Variants in RB1CC1 observed in about 807,000 individuals in gnomAD.
RB1CC1 encodes RB1-inducible coiled-coil protein 1.
Under a neutral mutation model 177.5 loss-of-function variants are expected in RB1CC1, and 46 were observed. That is an observed-to-expected ratio of 0.26 (90% CI 0.20 to 0.33). RB1CC1 has a LOEUF of 0.33. Among genes scored for constraint, RB1CC1 ranks in the 10% least tolerant of loss-of-function variants. The pLI is 1.00. For missense variants in RB1CC1, 1,703 were observed against 1,816.3 expected (o/e 0.94, Z 1.13); for synonymous variants, 666 against 613.6 (o/e 1.09, Z -1.26).
intron 7 of RB1CC1, among the ~76,000 whole-genome samples, chr8:52,672,905 C>T (rs1852738268): frequency 6.6e-6 from 1 of 152,220 alleles, no homozygotes; most frequent in African/African-American, 2.4e-5. Context: ...CTTTGCATAA[C>T]ATATTACATA....
chr8:52,702,664 C>T (rs778458487), intron 1 of RB1CC1, among the ~76,000 whole-genome samples: 25 of 150,856 alleles, frequency 1.7e-4, no homozygotes, highest in African/African-American at 4.6e-4. Context: ...TGCAGTGAGC[C>T]GAGAGCATGC....
intron 1 of RB1CC1, among the ~76,000 whole-genome samples, chr8:52,707,633 T>C (rs978125061): frequency 2.6e-5 from 4 of 152,124 alleles, no homozygotes; most frequent in Non-Finnish European, 5.9e-5. Flanking sequence ...AAATACTCCC[T>C]ACCAGTTACA....
At chr8:52,701,006 T>A (rs761544975) in intron 1 of RB1CC1, among the ~76,000 whole-genome samples, 2 of 152,222 alleles carry the variant, frequency 1.3e-5, no homozygotes, top group Non-Finnish European at 2.9e-5. Flanking sequence ...CTAAAGATTC[T>A]ACAAGTAAGT....
intron 7 of RB1CC1, among the ~76,000 whole-genome samples, chr8:52,670,931 G>A (rs1852516852): frequency 6.6e-6 from 1 of 151,798 alleles, no homozygotes; most frequent in Admixed American, 6.6e-5. Flanking sequence ...ACGCCAGCCT[G>A]GGTGACAGAG....
At chr8:52,689,339 T>C (rs1854599166) in intron 1 of RB1CC1, among the ~76,000 whole-genome samples, 1 of 152,186 alleles carries the variant, frequency 6.6e-6, no homozygotes, top group South Asian at 2.1e-4. Flanking sequence ...AAATACTTAA[T>C]GACACGATAT....
chr8:52,664,763 T>C (rs1468449970), intron 8 of RB1CC1, among the ~76,000 whole-genome samples: 1 of 152,158 alleles, frequency 6.6e-6, no homozygotes, highest in Non-Finnish European at 1.5e-5. Context: ...GAAAACAGTA[T>C]TATCACCCCA....
In RB1CC1 at chr8:52,645,851, T is replaced by C. The variant is rs771030971; in HGVS notation, c.3838A>G (p.Thr1280Ala). The change falls in exon 16 of 24, where the codon ACC (threonine) becomes GCC (alanine). Residue 1280 changes from threonine to alanine, a missense_variant. Transcript: ENST00000025008. Reference protein sequence around the residue: ...QIAKSPAIDSTRGDSSSLVAE... With the variant: ...QIAKSPAIDSARGDSSSLVAE... ...ACTAAGCTTGAAGAATCTCCTCTGGTAGAGTCAATGGCAGGACTTACAAAT... is the reference window on the plus strand; with the variant it reads ...ACTAAGCTTGAAGAATCTCCTCTGGCAGAGTCAATGGCAGGACTTACAAAT... 3.1e-6 allele frequency: 5 copies of C among 1,601,718 alleles called. No homozygotes were observed. The highest frequency in any genetic ancestry group is 2.3e-5 in the South Asian group (2 of 87,718).
intron 1 of RB1CC1, among the ~76,000 whole-genome samples, chr8:52,702,281 T>C (rs1856151992): frequency 1.3e-5 from 2 of 152,242 alleles, no homozygotes; most frequent in Admixed American, 6.5e-5. Flanking sequence ...GCTAATGTTT[T>C]AAGTTCTCTT....
intron 15 of RB1CC1, among the ~76,000 whole-genome samples, chr8:52,652,358 C>A (rs544991625): frequency 1.3e-5 from 2 of 150,338 alleles, no homozygotes; most frequent in East Asian, 4.0e-4. Context: ...CCCAGCTACT[C>A]GGGAGGCTGA....
intron 1 of RB1CC1, among the ~76,000 whole-genome samples, chr8:52,691,819 G>A (rs185984697): frequency 7.9e-5 from 12 of 152,284 alleles, no homozygotes; most frequent in South Asian, 2.1e-4. Context: ...TACCAGTACC[G>A]GTAACCTGTG....
chr8:52,696,150 T>G (rs1407247055), intron 1 of RB1CC1, among the ~76,000 whole-genome samples: 2 of 152,208 alleles, frequency 1.3e-5, no homozygotes, highest in African/African-American at 4.8e-5. Flanking sequence ...GTTCAAGCGA[T>G]TCTCCTGCCT....
Position 52,656,222 on chromosome 8 carries a change from C to A in RB1CC1, c.3607G>T (p.Glu1203Ter). ...QKDEKITQQE[E>*]KYEAIIQNLE... ...TTCTGGATAATAGCTTCGTATTTCT[C>A]TTCTTGTTGGGTAATTTTTTCATCT... Residue 1203 changes from glutamate (E) to a stop codon, truncating the protein, a stop_gained, in exon 15 of 24, where the codon GAG (glutamate) becomes TAG (stop). Transcript: ENST00000025008. LOFTEE classifies it high-confidence loss of function. 6.2e-7 allele frequency: 1 copy of A among 1,613,352 alleles called. No individual in the cohort carries two copies. The highest frequency in any genetic ancestry group is 8.5e-7 in the Non-Finnish European group (1 of 1,179,814).
intron 15 of RB1CC1, among the ~76,000 whole-genome samples, chr8:52,648,781 C>T (rs1850291629): frequency 6.6e-6 from 1 of 152,184 alleles, no homozygotes; most frequent in African/African-American, 2.4e-5. Flanking sequence ...TAGATCTTTG[C>T]AATCTCAGCA....
At chr8:52,699,838 TATATATATATATATATATATAC>T (rs1855880605) in intron 1 of RB1CC1, among the ~76,000 whole-genome samples, 1 of 81,544 alleles carries the variant, frequency 1.2e-5, no homozygotes, top group Non-Finnish European at 2.5e-5. Context: ...AAAATATATA[TATATATATATATATATATATAC>T]ACACAAAAAC....
At chr8:52,626,010 A>G (rs1041905508) in intron 22 of RB1CC1, among the ~76,000 whole-genome samples, 26 of 152,338 alleles carry the variant, frequency 1.7e-4, no homozygotes, top group Non-Finnish European at 2.5e-4. Flanking sequence ...GAAACAGAAA[A>G]GCCCCTGGAC....
Position 52,641,285 on chromosome 8 carries a change from A to G in RB1CC1, c.4337+1066T>C, listed in dbSNP as rs565397761. On this transcript the variant is annotated intron_variant, in intron 18 of 23. Coordinates refer to ENST00000025008, the MANE Select transcript of RB1CC1 (RefSeq NM_014781.5). ...TGTAATCCCGGCTATTCAGGAGGCT[A>G]AGGCAGAAGAATCACTTGAACCCAG... Among the ~76,000 whole-genome samples the G allele has an allele frequency of 6.0e-5, 9 of 151,146 alleles. No individual in the cohort carries two copies. The East Asian group carries it at 1.8e-3, about 29-fold the overall frequency.
At position 52,657,027 on chromosome 8, in the gene RB1CC1, C is replaced by A. The variant is rs149693499; in HGVS notation, c.2802G>T (p.Leu934Phe). 3.4e-5 allele frequency: 55 copies of A among 1,613,528 alleles called. No homozygotes were observed. Among genetic ancestry groups the A allele is most frequent in the Non-Finnish European group, 4.4e-5 (52 of 1,179,914 alleles). Residue 934 changes from leucine to phenylalanine, a missense_variant, in exon 15 of 24, where the codon TTG becomes TTT. Transcript: ENST00000025008. ...AGTGCATTATATTTTCCATCTCTAA[C>A]AACTTCTGATCCTTTTCATTCTGCA... ...ICLQNEKDQKLLEMENIMHSQ... is the reference protein window; with the variant it reads ...ICLQNEKDQKFLEMENIMHSQ...
intron 15 of RB1CC1, among the ~76,000 whole-genome samples, 186 bp from the exon 16 acceptor site, chr8:52,646,053 G>A (rs1849993197): frequency 6.6e-6 from 1 of 152,154 alleles, no homozygotes; most frequent in South Asian, 2.1e-4. Flanking sequence ...CAGATTAGAT[G>A]CTGACACTAA....
chr8:52,640,998 G>A (rs1284980252), intron 18 of RB1CC1, among the ~76,000 whole-genome samples: 1 of 152,114 alleles, frequency 6.6e-6, no homozygotes, highest in Admixed American at 6.5e-5. Flanking sequence ...GCAACTAACT[G>A]CGTTCCTCTG....
Sources: allele counts gnomAD v4.1 joint callset (sites outside exome capture counted in the v4.1 genomes callset), GRCh38; gene constraint gnomAD v4.1.1; transcripts MANE v1.5; gene names NCBI Gene and HGNC (gene_info 2026-07-23, HGNC 2026-07-21).